FURIN: variants seen among roughly 807,000 people sequenced by gnomAD.
FURIN encodes the protein FES upstream region.
FURIN carries 18 observed loss-of-function variants against 89.2 expected under a neutral mutation model. That is an observed-to-expected ratio of 0.20 (90% CI 0.14 to 0.30). The LOEUF (loss-of-function observed/expected upper bound fraction) is 0.30. Ranked by LOEUF, FURIN falls within the 10% of genes least tolerant of loss-of-function variation. The pLI, the probability that FURIN is intolerant of heterozygous loss-of-function variation, is 1.00. For synonymous variants in FURIN, 508 were observed against 466.4 expected (o/e 1.09, Z -1.15); for missense variants, 879 against 1,100.5 (o/e 0.80, Z 2.85).
chr15:90,879,508 T>C lies in FURIN; in HGVS notation c.1118T>C (p.Leu373Ser). The change falls in exon 10 of 16, where the codon TTA becomes TCA. Residue 373 changes from leucine (L) to serine (S), a missense_variant. Physicochemically the swap from Leu to Ser is moderately radical, Grantham distance 145 (BLOSUM62 -2). Around this residue, in one of 5 missense-constraint regions of FURIN, gnomAD observed 156 missense variants for 243.7 expected, o/e 0.64. Transcript: ENST00000268171. ...SHTGTSASAP[L>S]AAGIIALTLE... ...ACGGGCACCTCAGCCTCTGCCCCCT[T>C]AGCAGCCGGCATCATTGCTCTCACC... 1 of 1,613,344 alleles carries C rather than the reference T, an allele frequency of 6.2e-7. No individual in the cohort carries two copies. The highest frequency in any genetic ancestry group is 8.5e-7 in the Non-Finnish European group (1 of 1,179,540).
rs143587814 is a variant in FURIN at position 90,881,509 on chromosome 15, G to A, written c.2016G>A (p.Glu672=). ...CPSHASLDPV[E]QTCSRQSQSS... ...GCCACGCCTCCTTGGACCCTGTGGA[G>A]CAGACTTGCTCCCGGCAAAGCCAGA... The change falls in exon 16 of 16, where the codon GAG becomes GAA. Residue 672 remains glutamate (E), a synonymous_variant. Coordinates refer to ENST00000268171, the MANE Select transcript of FURIN (RefSeq NM_002569.4). The surrounding 1 kb of genome is among the most constrained non-coding windows in gnomAD (Gnocchi z 4.3). 19 of 1,611,786 alleles carry A rather than the reference G, an allele frequency of 1.2e-5. No homozygotes were observed. The highest frequency in any genetic ancestry group is 1.6e-5 in the Non-Finnish European group (19 of 1,179,730).
chr15:90,880,541 C>A lies in FURIN; in HGVS notation c.1557-150C>A, dbSNP rs564814387. 8.5e-6 allele frequency: 7 copies of A among 825,174 alleles called. No individual in the cohort carries two copies. In the Admixed American group the frequency reaches 1.7e-4, roughly 20 times the overall value. 51.1% of individuals were successfully genotyped at this position (825,174 alleles called of 1,614,324 possible). On this transcript the variant is annotated intron_variant, in intron 13 of 15. Transcript: ENST00000268171. ...ATCCCCCAGTTGAGCACGTCTGGCTCACTGAGAAACAGCCAAGCCAGCAGG... is the reference window on the plus strand; with the variant it reads ...ATCCCCCAGTTGAGCACGTCTGGCTAACTGAGAAACAGCCAAGCCAGCAGG...
chr15:90,869,817 T>C (rs2031202389), intron 1 of FURIN, among the ~76,000 whole-genome samples: 1 of 152,200 alleles, frequency 6.6e-6, no homozygotes, highest in Non-Finnish European at 1.5e-5. Context: ...TGACCTTTCT[T>C]CTAGGCCTGA....
rs1344919851 is a variant in FURIN, at chr15:90,881,704, G to C, written c.2211G>C (p.Gln737His). ...LVFVTVFLVL[Q>H]LRSGFSFRGV... ...TCGTCACTGTCTTCCTGGTCCTGCA[G>C]CTGCGCTCTGGCTTTAGTTTTCGGG... The change falls in exon 16 of 16, where the codon CAG becomes CAC. Residue 737 changes from glutamine (Q) to histidine (H), a missense_variant. Gln to His is a conservative substitution (Grantham distance 24, BLOSUM62 0). Transcript: ENST00000268171. This position sits in a 1 kb window ranked among gnomAD's most constrained non-coding sequence, Gnocchi z 4.3. 6.3e-7 allele frequency: 1 copy of C among 1,591,940 alleles called. No individual in the cohort carries two copies. Among genetic ancestry groups the C allele is most frequent in the Non-Finnish European group, 8.6e-7 (1 of 1,167,698 alleles).
intron 13 of FURIN, 97 bp downstream of exon 13, chr15:90,880,370 G>A: frequency 3.0e-6 from 3 of 984,904 alleles, no homozygotes; most frequent in Non-Finnish European, 4.4e-6. Context: ...GGGGCACTGA[G>A]TGCTACTCAG....
rs186981709 is a variant in FURIN, at chr15:90,875,623, C to A, written c.-118C>A. On this transcript the variant is annotated 5_prime_UTR_variant, in exon 2 of 16. Coordinates refer to ENST00000268171, the MANE Select transcript of FURIN (RefSeq NM_002569.4). ...CCTCCCGAGCCCTGCCCGTCTCGGC[C>A]CCATGCCCCCACCAGTCAGCCCCGG... 8 of 879,970 alleles carry A rather than the reference C, an allele frequency of 9.1e-6. No individual in the cohort carries two copies. The highest frequency in any genetic ancestry group is 3.4e-5 in the African/African-American group (2 of 58,522). 54.5% of individuals were successfully genotyped at this position (879,970 alleles called of 1,614,324 possible). A position where few individuals can be genotyped will look rare whatever the true frequency, so the allele number is the denominator to read the frequency against.
intron 1 of FURIN, among the ~76,000 whole-genome samples, chr15:90,872,403 C>G (rs78569252): frequency 0.072 from 10,904 of 152,134 alleles, 534 homozygotes; most frequent in Non-Finnish European, 0.11. Flanking sequence ...AGACCCTCAT[C>G]CACCGGAGAG....
At chr15:90,878,706 C>T in intron 8 of FURIN, 58 bp from the exon 9 acceptor site, 2 of 1,046,692 alleles carry the variant, frequency 1.9e-6, no homozygotes, top group Non-Finnish European at 2.9e-6. Context: ...GCAGTGTCCT[C>T]CTGCCAGCCC....
rs1012401704 is a variant in FURIN at position 90,876,095 on chromosome 15, C to T, written c.178-160C>T. Among the ~76,000 whole-genome samples the T allele has an allele frequency of 1.3e-5, 2 of 152,128 alleles. No homozygotes were observed. The highest frequency in any genetic ancestry group is 2.4e-5 in the African/African-American group (1 of 41,404). ...GCAGCATATCCCAGTGAGAGTGAGT[C>T]CTCATGGTCCCCGCATTTTGCTGGG... On this transcript the variant is annotated intron_variant, in intron 2 of 15. Transcript: ENST00000268171. This position sits in a 1 kb window ranked among gnomAD's most constrained non-coding sequence, Gnocchi z 5.0.
rs1038401209 is a variant in FURIN at position 90,879,045 on chromosome 15, T to C, written c.1053+69T>C. On this transcript the variant is annotated intron_variant, in intron 9 of 15. Transcript: ENST00000268171. ...GGCTGGCTCTGTCCAGCACCCTCTT[T>C]TGGAGGCTGTCTGCCTCCACCCCCA... The C allele has an allele frequency of 8.8e-6, 9 of 1,018,784 alleles. No homozygotes were observed. The African/African-American group carries it at 1.4e-4, about 16-fold the overall frequency. The allele number at this position is 1,018,784 out of a possible 1,614,324, so 63.1% of individuals were successfully genotyped here.
At position 90,881,808 on chromosome 15, in the gene FURIN, C is replaced by T. The variant is rs146218928; in HGVS notation, c.2315C>T (p.Pro772Leu). ...LPPEAWQEEC[P>L]SDSEEDEGRG... ...CCTGAAGCCTGGCAGGAGGAGTGCC[C>T]GTCTGACTCAGAAGAGGACGAGGGC... The change falls in exon 16 of 16, where the codon CCG becomes CTG. Residue 772 changes from proline (P) to leucine (L), a missense_variant. Transcript: ENST00000268171. This position sits in a 1 kb window ranked among gnomAD's most constrained non-coding sequence, Gnocchi z 4.3. The T allele has an allele frequency of 5.4e-5, 87 of 1,613,442 alleles. No homozygotes were observed. The highest frequency in any genetic ancestry group is 4.0e-4 in the East Asian group (18 of 44,886).
chr15:90,877,459 C>A, intron 6 of FURIN, 68 bp from the exon 7 acceptor site: 1 of 1,290,942 alleles, frequency 7.7e-7, no homozygotes, highest in Non-Finnish European at 1.1e-6. Context: ...TCGTGCTCCT[C>A]AGGCCACATC....
chr15:90,877,655 C>T, intron 7 of FURIN, 40 bp downstream of exon 7: 1 of 1,398,974 alleles, frequency 7.1e-7, no homozygotes, highest in South Asian at 1.3e-5. Flanking sequence ...CAGGAGGGCC[C>T]TTCAGTGGAA....
Position 90,881,855 on chromosome 15 carries a change from A to C in FURIN, c.2362A>C (p.Ile788Leu). Reference sequence around the variant, plus strand: ...GGGCCGGGGCGAGAGGACCGCCTTTATCAAAGACCAGAGCGCCCTCTGATG... The same window carrying C: ...GGGCCGGGGCGAGAGGACCGCCTTTCTCAAAGACCAGAGCGCCCTCTGATG... The part of the protein sequence containing the change: ...DEGRGERTAF[I>L]KDQSAL The change falls in exon 16 of 16, where the codon ATC becomes CTC. Residue 788 changes from isoleucine (I) to leucine (L), a missense_variant. Ile to Leu is a conservative substitution (Grantham distance 5, BLOSUM62 2). This residue lies in a region of FURIN where 457 missense variants were observed against 490.7 expected (regional missense o/e 0.93). Transcript: ENST00000268171. This position sits in a 1 kb window ranked among gnomAD's most constrained non-coding sequence, Gnocchi z 4.3. 1 of 1,612,580 alleles carries C rather than the reference A, an allele frequency of 6.2e-7. No individual in the cohort carries two copies. Among genetic ancestry groups the C allele is most frequent in the East Asian group, 2.2e-5 (1 of 44,876 alleles).
intron 1 of FURIN, among the ~76,000 whole-genome samples, chr15:90,872,398 C>T (rs1165013076): frequency 6.6e-6 from 1 of 152,152 alleles, no homozygotes; most frequent in Non-Finnish European, 1.5e-5. Context: ...GGTGCAGACC[C>T]TCATCCACCG....
At position 90,881,371 on chromosome 15, in the gene FURIN, C is replaced by T. The variant is rs1244284978; in HGVS notation, c.1878C>T (p.His626=). The T allele has an allele frequency of 1.2e-6, 2 of 1,613,008 alleles. No individual in the cohort carries two copies. The highest frequency in any genetic ancestry group is 1.3e-5 in the African/African-American group (1 of 75,040). The change falls in exon 16 of 16, where the codon CAC becomes CAT. Residue 626 remains histidine (H), a synonymous_variant. Transcript: ENST00000268171. This position sits in a 1 kb window ranked among gnomAD's most constrained non-coding sequence, Gnocchi z 4.3. ...PGFAPQVLDT[H]YSTENDVETI... is the part of the protein sequence containing the mutation. ...TCGCCCCCCAAGTCCTCGATACGCA[C>T]TATAGCACCGAGAATGACGTGGAGA...
At position 90,881,383 on chromosome 15, in the gene FURIN, G is replaced by C; in HGVS notation, c.1890G>C (p.Glu630Asp). Residue 630 changes from glutamate to aspartate, a missense_variant, in exon 16 of 16, where the codon GAG becomes GAC. Glu to Asp is a conservative substitution (Grantham distance 45). Transcript: ENST00000268171. This position sits in a 1 kb window ranked among gnomAD's most constrained non-coding sequence, Gnocchi z 4.3. The stretch of plus-strand genomic sequence containing the variant: ...TCCTCGATACGCACTATAGCACCGA[G>C]AATGACGTGGAGACCATCCGGGCCA... ...PQVLDTHYST[E>D]NDVETIRASV... The C allele has an allele frequency of 6.2e-7, 1 of 1,612,994 alleles. No individual in the cohort carries two copies. The highest frequency in any genetic ancestry group is 1.1e-5 in the South Asian group (1 of 91,080).
At chr15:90,874,385 G>A (rs1217458335) in intron 1 of FURIN, among the ~76,000 whole-genome samples, 6 of 152,246 alleles carry the variant, frequency 3.9e-5, no homozygotes, top group Non-Finnish European at 5.9e-5. Flanking sequence ...GGGGGCAGCT[G>A]GGGGCCTCCA....
chr15:90,881,882 GC>G lies in FURIN; in HGVS notation c.*7del. 1 of 1,576,990 alleles carries G rather than the reference GC, an allele frequency of 6.3e-7. No homozygotes were observed. The stretch of plus-strand genomic sequence containing the variant: ...CAAAGACCAGAGCGCCCTCTGATGA[GC>G]CCACTGCCCACCCCCTCAAGCCAAT... On this transcript the variant is annotated 3_prime_UTR_variant, in exon 16 of 16. Coordinates refer to ENST00000268171, the MANE Select transcript of FURIN (RefSeq NM_002569.4). This position sits in a 1 kb window ranked among gnomAD's most constrained non-coding sequence, Gnocchi z 4.3.
Sources: allele counts gnomAD v4.1 joint callset (sites outside exome capture counted in the v4.1 genomes callset), GRCh38; gene constraint gnomAD v4.1.1; regional missense constraint gnomAD v4.1.1; non-coding constraint Gnocchi (gnomAD v3.1); transcripts MANE v1.5; gene names NCBI Gene and HGNC (gene_info 2026-07-23, HGNC 2026-07-21).